CDH13: variants seen among roughly 807,000 people sequenced by gnomAD.
The protein encoded by CDH13 is cadherin 13.
CDH13 carries 24 observed loss-of-function variants against 63.8 expected under a neutral mutation model. The ratio of observed to expected loss-of-function variants is 0.38; its 90% CI spans 0.27 to 0.53. CDH13 has a LOEUF of 0.53. Among genes scored for constraint, CDH13 ranks in the 20% least tolerant of loss-of-function variants. CDH13 has a pLI of 0.85. For synonymous variants in CDH13, 503 were observed against 355.3 expected, an observed-to-expected ratio of 1.42 and a Z score of -4.67; for missense variants, 1,049 against 903.1, an observed-to-expected ratio of 1.16 and a Z score of -2.07.
chr16:82,916,344 A>G (rs1295620080), intron 2 of CDH13, among the ~76,000 whole-genome samples: 1 of 152,112 alleles, frequency 6.6e-6, no homozygotes, highest in Non-Finnish European at 1.5e-5. Flanking sequence ...GGGAGGCCGA[A>G]GCGAGTGGAT....
chr16:83,027,117 C>A (rs1234741940), intron 2 of CDH13, among the ~76,000 whole-genome samples: 1 of 144,224 alleles, frequency 6.9e-6, no homozygotes, highest in Non-Finnish European at 1.5e-5. Flanking sequence ...CCCCCCCCAC[C>A]GCCCCGCCTC....
chr16:82,858,635 C>A, intron 2 of CDH13, 162 bp downstream of exon 2: 1 of 676,746 alleles, frequency 1.5e-6, no homozygotes, highest in South Asian at 1.6e-5. Flanking sequence ...TGAATGAGGG[C>A]CTGGCCAACT....
intron 1 of CDH13, among the ~76,000 whole-genome samples, chr16:82,744,897 C>T (rs142849149): frequency 7.6e-4 from 116 of 152,190 alleles, no homozygotes; most frequent in African/African-American, 2.7e-3. Context: ...CACTCTAATC[C>T]CCAGAGCCTG....
At chr16:83,277,224 A>G (rs1215945784) in intron 5 of CDH13, among the ~76,000 whole-genome samples, 3 of 152,182 alleles carry the variant, frequency 2.0e-5, no homozygotes, top group Non-Finnish European at 4.4e-5. Flanking sequence ...TTTCTCACTC[A>G]TGGTTATGAC....
chr16:83,152,046 C>G (rs2037005779), intron 4 of CDH13, among the ~76,000 whole-genome samples: 1 of 151,654 alleles, frequency 6.6e-6, no homozygotes, highest in Non-Finnish European at 1.5e-5. Context: ...TAGTCTATAA[C>G]CATTGACTTT....
chr16:83,031,694 A>C (rs57720411), intron 2 of CDH13, among the ~76,000 whole-genome samples: 1 of 152,088 alleles, frequency 6.6e-6, no homozygotes, highest in East Asian at 1.9e-4. Flanking sequence ...ACATGCCAGG[A>C]TTAGATCACT....
At chr16:82,783,471 G>T (rs942744374) in intron 1 of CDH13, among the ~76,000 whole-genome samples, 3 of 152,236 alleles carry the variant, frequency 2.0e-5, no homozygotes, top group Non-Finnish European at 4.4e-5. Flanking sequence ...AGATTGGGCT[G>T]CAAGGACACA....
At chr16:83,449,440 A>C (rs1018908047) in intron 6 of CDH13, among the ~76,000 whole-genome samples, 2 of 152,194 alleles carry the variant, frequency 1.3e-5, no homozygotes, top group Admixed American at 1.3e-4. Flanking sequence ...AGGGCCCCAG[A>C]TCCTGTTCTA....
At chr16:83,219,559 A>G (rs2039636164) in intron 5 of CDH13, among the ~76,000 whole-genome samples, 1 of 152,232 alleles carries the variant, frequency 6.6e-6, no homozygotes, top group Non-Finnish European at 1.5e-5. Flanking sequence ...TAAGCATCAT[A>G]TAATCTTCCT....
chr16:83,549,760 A>C (rs908726603), intron 7 of CDH13, among the ~76,000 whole-genome samples: 1 of 152,332 alleles, frequency 6.6e-6, no homozygotes, highest in East Asian at 1.9e-4. Flanking sequence ...AAACTTGTCA[A>C]CTAAAGAAAG....
chr16:83,520,580 T>C (rs1372529198), intron 7 of CDH13, among the ~76,000 whole-genome samples: 2 of 152,202 alleles, frequency 1.3e-5, no homozygotes, highest in Non-Finnish European at 2.9e-5. Flanking sequence ...GGATCCACTC[T>C]ATGGTTGGCC....
At chr16:83,015,429 G>A (rs1328156989) in intron 2 of CDH13, among the ~76,000 whole-genome samples, 1 of 150,988 alleles carries the variant, frequency 6.6e-6, no homozygotes, top group African/African-American at 2.4e-5. Context: ...AAAAAAAAAA[G>A]TGTCATTCTT....
At chr16:83,140,775 A>G (rs957896622) in intron 4 of CDH13, among the ~76,000 whole-genome samples, 1 of 152,206 alleles carries the variant, frequency 6.6e-6, no homozygotes, top group African/African-American at 2.4e-5. Flanking sequence ...ATCTTAAGGC[A>G]TAGAGCATGA....
intron 3 of CDH13, among the ~76,000 whole-genome samples, chr16:83,119,990 A>C (rs563113788): frequency 6.6e-6 from 1 of 152,164 alleles, no homozygotes; most frequent in African/African-American, 2.4e-5. Flanking sequence ...AGTTTCTCCT[A>C]ATGTCAGACA....
At position 82,910,064 on chromosome 16, in the gene CDH13, A is replaced by G. The variant is rs576623360; in HGVS notation, c.157+51591A>G. ...ATGCGACCCTTCTCAGCCAAAGTAT[A>G]CAATTGCCGGTGTTCAATTCTCCAC... On this transcript the variant is annotated intron_variant, in intron 2 of 13. Coordinates refer to ENST00000567109, the MANE Select transcript of CDH13 (RefSeq NM_001257.5). Among the ~76,000 whole-genome samples, 8 of 152,264 alleles carry G rather than the reference A, an allele frequency of 5.3e-5. No homozygotes were observed. In the East Asian group the frequency reaches 1.5e-3, roughly 29 times the overall value.
chr16:83,056,166 T>C (rs1010885518), intron 3 of CDH13, among the ~76,000 whole-genome samples: 32 of 152,178 alleles, frequency 2.1e-4, no homozygotes, highest in African/African-American at 7.5e-4. Flanking sequence ...ATTCAGATAC[T>C]ATTATACACA....
At chr16:82,639,263 C>G in intron 1 of CDH13, 1 of 749,332 alleles carries the variant, frequency 1.3e-6, no homozygotes, top group East Asian at 2.9e-5. Context: ...GGTCTGGGCC[C>G]TGGACTTCCT....
chr16:83,298,261 G>A (rs562447123), intron 5 of CDH13, among the ~76,000 whole-genome samples: 1 of 151,810 alleles, frequency 6.6e-6, no homozygotes, highest in Non-Finnish European at 1.5e-5. Context: ...GAGACAAAAT[G>A]AGATGAGACG....
chr16:83,231,274 G>T (rs1567524530), intron 5 of CDH13, among the ~76,000 whole-genome samples: 1 of 152,184 alleles, frequency 6.6e-6, no homozygotes, highest in Non-Finnish European at 1.5e-5. Context: ...GGGTGATGGA[G>T]AGTTGCCTTC....
Sources: gnomAD v4.1 joint callset for allele counts (sites outside exome capture counted in the v4.1 genomes callset) on GRCh38, gnomAD v4.1.1 for gene constraint, MANE v1.5 for transcripts, NCBI Gene and HGNC (gene_info 2026-07-23, HGNC 2026-07-21) for gene names.